The following PRKDC variants were observed in gnomAD, a reference collection of about 807,000 sequenced individuals.
PRKDC encodes the protein protein kinase, DNA-activated, catalytic subunit.
In PRKDC, 82 loss-of-function variants were observed where a neutral mutation model predicts 486.9. That is an observed-to-expected ratio of 0.17 (90% CI 0.14 to 0.20). The LOEUF is 0.20. Ranked by LOEUF, PRKDC falls within the 10% of genes least tolerant of loss-of-function variation. The pLI, the probability that PRKDC is intolerant of heterozygous loss-of-function variation, is 1.00. For synonymous variants in PRKDC, 1,895 were observed against 1,837.0 expected (o/e 1.03, Z -0.81); for missense variants, 4,504 against 5,038.2 (o/e 0.89, Z 3.21).
chr8:47,899,053 G>A (rs963715173), intron 28 of PRKDC, among the ~76,000 whole-genome samples: 4 of 152,232 alleles, frequency 2.6e-5, no homozygotes, highest in African/African-American at 9.6e-5. Context: ...ACAGCCTCTG[G>A]AGAAGTACAA....
In PRKDC at chr8:47,887,454, C is replaced by T. The variant is rs55831000; in HGVS notation, c.4572+93G>A. 2.5e-5 allele frequency: 31 copies of T among 1,226,750 alleles called. No homozygotes were observed. The African/African-American group carries it at 4.5e-4, about 18-fold the overall frequency. The allele number at this position is 1,226,750 out of a possible 1,614,324, so 76.0% of individuals were successfully genotyped here. Reference sequence around the variant, plus strand: ...CAATACTTGTCCAGCTAAAACCTTACTACCCAAATTCCACAGTTTCTAGAG... The same window carrying T: ...CAATACTTGTCCAGCTAAAACCTTATTACCCAAATTCCACAGTTTCTAGAG... On this transcript the variant is annotated intron_variant, in intron 35 of 85. Coordinates refer to ENST00000314191, the MANE Select transcript of PRKDC (RefSeq NM_006904.7).
chr8:47,785,467 C>T, intron 76 of PRKDC, 150 bp from the exon 77 acceptor site: 2 of 698,558 alleles, frequency 2.9e-6, no homozygotes, highest in South Asian at 1.9e-5. Context: ...GGCATGGTGG[C>T]TCATGCCTGT....
At chr8:47,822,846 C>A (rs2087635205) in intron 64 of PRKDC, among the ~76,000 whole-genome samples, 1 of 152,014 alleles carries the variant, frequency 6.6e-6, no homozygotes, top group African/African-American at 2.4e-5. Context: ...GGTCACAGAC[C>A]CTGAATTTCA....
chr8:47,797,594 C>T (rs189524302), intron 73 of PRKDC, among the ~76,000 whole-genome samples: 4 of 152,290 alleles, frequency 2.6e-5, no homozygotes, highest in East Asian at 1.9e-4. Flanking sequence ...TCCAGTTACA[C>T]GTCTATAAAT....
In PRKDC at chr8:47,789,034, C is replaced by T. The variant is rs1490966994; in HGVS notation, c.10774G>A (p.Val3592Ile). The change falls in exon 76 of 86, where the codon GTA becomes ATA. Residue 3592 changes from valine to isoleucine, a missense_variant. Val to Ile is a conservative substitution (Grantham distance 29). Around this residue, in one of 6 missense-constraint regions of PRKDC, gnomAD observed 706 missense variants for 945.0 expected, o/e 0.75. Coordinates refer to ENST00000314191, the MANE Select transcript of PRKDC (RefSeq NM_006904.7). ...ELLFKDWSND[V>I]RAELAKTPVN... The stretch of plus-strand genomic sequence containing the variant: ...GGGGTTTTTGCTAGTTCAGCTCTTA[C>T]ATCATTGCTCCAATCCTGTCAGGGG... 4.3e-6 allele frequency: 7 copies of T among 1,612,328 alleles called. No homozygotes were observed. The highest frequency in any genetic ancestry group is 1.1e-5 in the South Asian group (1 of 90,664).
At chr8:47,947,503 A>G (rs531669516) in intron 7 of PRKDC, among the ~76,000 whole-genome samples, 293 of 152,346 alleles carry the variant, frequency 1.9e-3, no homozygotes, top group African/African-American at 6.9e-3. Flanking sequence ...ACAGTGCCTC[A>G]AGCCTGTAAT....
rs1589744870 is a variant in PRKDC, at chr8:47,855,117, C to T, written c.6761+105G>A. On this transcript the variant is annotated intron_variant, in intron 50 of 85. Coordinates refer to ENST00000314191, the MANE Select transcript of PRKDC (RefSeq NM_006904.7). ...ATTAGTAACAATAAATTATTTTCTT[C>T]CTCCTATCATTTCATGTAATTAAAT... 1.1e-5 allele frequency: 13 copies of T among 1,150,614 alleles called. 1 individual carries two copies. In the East Asian group the frequency reaches 2.9e-4, roughly 26 times the overall value. The allele number at this position is 1,150,614 out of a possible 1,614,324, so 71.3% of individuals were successfully genotyped here.
At chr8:47,818,081 A>G (rs926565150) in intron 67 of PRKDC, among the ~76,000 whole-genome samples, 1 of 152,214 alleles carries the variant, frequency 6.6e-6, no homozygotes, top group African/African-American at 2.4e-5. Flanking sequence ...ATTCATAATA[A>G]TCTTCACAAA....
rs749527505 is a variant in PRKDC, at chr8:47,840,139, G to A, written c.7331C>T (p.Pro2444Leu). The change falls in exon 55 of 86, where the codon CCA (proline) becomes CTA (leucine). Residue 2444 changes from proline to leucine, a missense_variant. Pro to Leu is a moderately conservative substitution (Grantham distance 98). Around this residue, in one of 6 missense-constraint regions of PRKDC, gnomAD observed 1,592 missense variants for 1,724.6 expected, o/e 0.92. Transcript: ENST00000314191. ...VCLDIIYKMM[P>L]KLKPVELREL... ...TCGGAGTTCTACTGGTTTTAACTTT[G>A]GCATCATCTTATAAATTATGTCCAA... 49 of 1,599,876 alleles carry A rather than the reference G, an allele frequency of 3.1e-5. No homozygotes were observed. The highest frequency in any genetic ancestry group is 4.1e-5 in the Non-Finnish European group (48 of 1,172,118).
At chr8:47,891,580 C>T (rs181570863) in intron 31 of PRKDC, among the ~76,000 whole-genome samples, 13 of 151,964 alleles carry the variant, frequency 8.6e-5, no homozygotes, top group African/African-American at 3.1e-4. Context: ...ATTAGCTGGG[C>T]GTGGTGGCGG....
At chr8:47,936,227 G>T in intron 12 of PRKDC, 126 bp downstream of exon 12, 1 of 1,076,460 alleles carries the variant, frequency 9.3e-7, no homozygotes, top group Non-Finnish European at 1.3e-6. Context: ...TTGCCACAAA[G>T]TACTAACTAA....
chr8:47,828,437 T>G, intron 61 of PRKDC, 90 bp from the exon 62 acceptor site: 1 of 1,083,890 alleles, frequency 9.2e-7, no homozygotes, highest in African/African-American at 1.6e-5. Context: ...AAATACAAAC[T>G]GTTGCAAACA....
intron 80 of PRKDC, among the ~76,000 whole-genome samples, chr8:47,780,918 T>C (rs1189447940): frequency 6.6e-6 from 1 of 151,852 alleles, no homozygotes; most frequent in Non-Finnish European, 1.5e-5. Flanking sequence ...AGCCTGGTGA[T>C]AGAGAGAGAC....
At chr8:47,955,398 C>G (rs1305775469) in intron 4 of PRKDC, among the ~76,000 whole-genome samples, 1 of 122,782 alleles carries the variant, frequency 8.1e-6, no homozygotes, top group East Asian at 2.6e-4. Context: ...GGAGGCGGAG[C>G]TTGCAGTGAG....
In PRKDC at chr8:47,850,228, C is replaced by T. The variant is rs575925785; in HGVS notation, c.7006-725G>A. 2.1e-3 allele frequency among the ~76,000 whole-genome samples: 323 copies of T among 152,314 alleles called. 1 individual carries two copies. Among genetic ancestry groups the T allele is most frequent in the African/African-American group, 7.6e-3 (315 of 41,568 alleles). On this transcript the variant is annotated intron_variant, in intron 52 of 85. Coordinates refer to ENST00000314191, the MANE Select transcript of PRKDC (RefSeq NM_006904.7). ...GTCCTTCCTGGCTCACCTCCTTCCT[C>T]ACAAACATCAGAAAGAGGGGTAGGC...
chr8:47,942,971 T>C (rs1029736115), intron 10 of PRKDC, among the ~76,000 whole-genome samples: 5 of 152,232 alleles, frequency 3.3e-5, no homozygotes, highest in African/African-American at 1.2e-4. Context: ...ACCACGTCTT[T>C]GCTCCATTAC....
intron 9 of PRKDC, 126 bp from the exon 10 acceptor site, chr8:47,943,492 A>G (rs554380271): frequency 3.0e-5 from 30 of 992,364 alleles, no homozygotes; most frequent in African/African-American, 3.0e-4. Context: ...ATTACACTAC[A>G]GTAACCCAGG....
intron 17 of PRKDC, among the ~76,000 whole-genome samples, chr8:47,930,421 T>C (rs1377058775): frequency 6.6e-6 from 1 of 152,090 alleles, no homozygotes; most frequent in East Asian, 1.9e-4. Context: ...TACAGGCGCC[T>C]GACACTATGC....
intron 48 of PRKDC, among the ~76,000 whole-genome samples, chr8:47,857,768 A>T (rs1391168016): frequency 6.6e-6 from 1 of 152,132 alleles, no homozygotes; most frequent in African/African-American, 2.4e-5. Flanking sequence ...GCAGCCCTAG[A>T]GCAGCCTGTC....
Sources: allele counts gnomAD v4.1 joint callset (sites outside exome capture counted in the v4.1 genomes callset), GRCh38; gene constraint gnomAD v4.1.1; regional missense constraint gnomAD v4.1.1; transcripts MANE v1.5; gene names NCBI Gene and HGNC (gene_info 2026-07-23, HGNC 2026-07-21).